TOX2: variants seen among roughly 807,000 people sequenced by gnomAD.
TOX2 encodes TOX high mobility group box family member 2, also known as granulosa cell HMG box 1.
TOX2 carries 15 observed loss-of-function variants against 47.4 expected under a neutral mutation model. That is an observed-to-expected ratio of 0.32 (90% CI 0.21 to 0.49). TOX2 has a LOEUF of 0.49. Among genes scored for constraint, TOX2 ranks in the 20% least tolerant of loss-of-function variants. The pLI is 0.99. For synonymous variants in TOX2, 290 were observed against 296.6 expected (o/e 0.98, Z 0.23); for missense variants, 622 against 673.1 (o/e 0.92, Z 0.84).
chr20:43,968,190 C>G (rs1278306906), intron 1 of TOX2, among the ~76,000 whole-genome samples: 1 of 152,244 alleles, frequency 6.6e-6, no homozygotes, highest in African/African-American at 2.4e-5. Flanking sequence ...CCATCCCATC[C>G]TTTACTCCTT....
chr20:43,971,420 C>T (rs2069963991), intron 1 of TOX2, among the ~76,000 whole-genome samples: 1 of 152,194 alleles, frequency 6.6e-6, no homozygotes, highest in Non-Finnish European at 1.5e-5. Flanking sequence ...CCCACAGGGG[C>T]TGGGGCTGGC....
chr20:44,021,802 AT>A (rs34597914), intron 3 of TOX2, among the ~76,000 whole-genome samples: 6,521 of 144,982 alleles, frequency 0.045, 402 homozygotes, highest in African/African-American at 0.14. Flanking sequence ...CTAATTTTTG[AT>A]TTTTTTTTTT....
intron 2 of TOX2, among the ~76,000 whole-genome samples, chr20:43,973,825 G>A (rs528427363): frequency 1.3e-3 from 197 of 152,334 alleles, no homozygotes; most frequent in Non-Finnish European, 2.0e-3. Context: ...ATGCCCTTGC[G>A]TAGGCATGCA....
At chr20:44,039,772 G>A (rs1175508118) in intron 3 of TOX2, among the ~76,000 whole-genome samples, 3 of 152,066 alleles carry the variant, frequency 2.0e-5, no homozygotes, top group African/African-American at 7.2e-5. Flanking sequence ...ACTGAGGGGA[G>A]AGGAAGTCGA....
chr20:44,027,667 A>G (rs2071087076), intron 3 of TOX2, among the ~76,000 whole-genome samples: 1 of 152,240 alleles, frequency 6.6e-6, no homozygotes, highest in Non-Finnish European at 1.5e-5. Context: ...AATAGGTCCC[A>G]GACACCAGTT....
chr20:43,929,180 A>G (rs2069219975), intron 1 of TOX2, among the ~76,000 whole-genome samples: 1 of 151,986 alleles, frequency 6.6e-6, no homozygotes. Flanking sequence ...ACAAACAAAC[A>G]AACAAAAACA....
At chr20:44,064,949 C>T (rs1012023174) in intron 6 of TOX2, 92 bp downstream of exon 6, 5 of 1,200,242 alleles carry the variant, frequency 4.2e-6, no homozygotes, top group African/African-American at 1.5e-5. Context: ...AGGGCCGGCA[C>T]CCCAGGTCTT....
At chr20:44,032,195 A>G (rs1431663629) in intron 3 of TOX2, among the ~76,000 whole-genome samples, 1 of 151,998 alleles carries the variant, frequency 6.6e-6, no homozygotes. Context: ...CAGGGTGAGT[A>G]TCCCCTGCTG....
In TOX2 at chr20:44,063,243, A is replaced by G. The variant is rs1600803288; in HGVS notation, c.880-1534A>G. ...ATCTTCACAATCTATACTTTCGACA[A>G]AGGACTAATATCCAGAATCTACAAA... On this transcript the variant is annotated intron_variant, in intron 5 of 8. Transcript: ENST00000341197. Among the ~76,000 whole-genome samples the G allele has an allele frequency of 2.0e-5, 3 of 152,248 alleles. No homozygotes were observed. In the South Asian group the frequency reaches 6.2e-4, roughly 31 times the overall value.
intron 3 of TOX2, among the ~76,000 whole-genome samples, chr20:44,025,241 A>T (rs1306508082): frequency 6.6e-6 from 1 of 151,988 alleles, no homozygotes; most frequent in Non-Finnish European, 1.5e-5. Context: ...TTTCCCTTGG[A>T]TGCGTCGAGC....
At chr20:43,956,176 C>T (rs528590106) in intron 1 of TOX2, among the ~76,000 whole-genome samples, 13 of 152,302 alleles carry the variant, frequency 8.5e-5, no homozygotes, top group East Asian at 3.9e-4. Context: ...CTAGGCCCCA[C>T]GAACCTGGCT....
chr20:43,954,985 A>G (rs569787249), intron 1 of TOX2, among the ~76,000 whole-genome samples: 1 of 152,270 alleles, frequency 6.6e-6, no homozygotes, highest in South Asian at 2.1e-4. Context: ...CTACAATCCA[A>G]AAAGCCCTGC....
chr20:44,049,119 GA>G (rs1412090362), intron 3 of TOX2, among the ~76,000 whole-genome samples: 4 of 152,136 alleles, frequency 2.6e-5, no homozygotes, highest in Admixed American at 6.5e-5. Context: ...AAACAAAACC[GA>G]CATCAAATTC....
chr20:44,012,336 G>A (rs1046469566), intron 3 of TOX2, among the ~76,000 whole-genome samples: 1 of 152,210 alleles, frequency 6.6e-6, no homozygotes, highest in African/African-American at 2.4e-5. Flanking sequence ...TCCCAGACAG[G>A]TTCCTGGGGA....
chr20:43,988,164 C>G (rs541433154), intron 2 of TOX2, among the ~76,000 whole-genome samples: 3 of 152,012 alleles, frequency 2.0e-5, no homozygotes, highest in Non-Finnish European at 4.4e-5. Flanking sequence ...GTGATCTGCC[C>G]GCCTCGGCCT....
intron 3 of TOX2, chr20:44,038,869 C>T (rs1397886701): frequency 2.9e-6 from 3 of 1,017,248 alleles, no homozygotes; most frequent in Admixed American, 7.6e-5. Flanking sequence ...GAAAAACGCC[C>T]TTGTGTTCCT....
intron 1 of TOX2, chr20:43,955,053 T>G (rs1268731803): frequency 5.4e-6 from 1 of 186,286 alleles, no homozygotes; most frequent in Admixed American, 6.5e-5. Flanking sequence ...AAATCTGACC[T>G]GAGCTGACGC....
intron 2 of TOX2, among the ~76,000 whole-genome samples, chr20:43,992,335 T>A (rs1212612745): frequency 2.0e-5 from 3 of 152,070 alleles, no homozygotes; most frequent in Admixed American, 1.3e-4. Flanking sequence ...TCAGGAGTGA[T>A]CGTGTAGGAG....
chr20:44,010,797 G>T (rs2070766192), intron 3 of TOX2, among the ~76,000 whole-genome samples: 1 of 152,176 alleles, frequency 6.6e-6, no homozygotes, highest in Non-Finnish European at 1.5e-5. Context: ...GGTGGCAGAT[G>T]ATTATATTAG....
Sources: allele counts gnomAD v4.1 joint callset (sites outside exome capture counted in the v4.1 genomes callset), GRCh38; gene constraint gnomAD v4.1.1; transcripts MANE v1.5; gene names NCBI Gene and HGNC (gene_info 2026-07-23, HGNC 2026-07-21).